The following DLGAP1 variants were observed in gnomAD, a reference collection of about 807,000 sequenced individuals.
DLGAP1 encodes the protein disks large-associated protein 1.
In DLGAP1, 11 loss-of-function variants were observed where a neutral mutation model predicts 90.8. The observed-to-expected ratio is 0.12, with a 90% CI of 0.08 to 0.20. The LOEUF (loss-of-function observed/expected upper bound fraction) is 0.20. Among genes scored for constraint, DLGAP1 ranks in the 10% least tolerant of loss-of-function variants. The probability of loss-of-function intolerance (pLI) is 1.00; values close to 1 mark genes in which losing one functional copy is unlikely to be tolerated. For synonymous variants in DLGAP1, 558 were observed against 540.7 expected, an observed-to-expected ratio of 1.03 and a Z score of -0.44; for missense variants, 1,050 against 1,333.8, an observed-to-expected ratio of 0.79 and a Z score of 3.31.
intron 2 of DLGAP1, among the ~76,000 whole-genome samples, chr18:4,045,314 C>T (rs16973799): frequency 0.016 from 2,379 of 151,632 alleles, 68 homozygotes; most frequent in African/African-American, 0.055. Context: ...ACTGATAACT[C>T]CTTGGTATCT....
chr18:3,660,399 A>C lies in DLGAP1; in HGVS notation c.1591+68736T>G, dbSNP rs1400255197. On this transcript the variant is annotated intron_variant, in intron 7 of 12. Transcript: ENST00000315677. This position sits in a 1 kb window ranked among gnomAD's most constrained non-coding sequence, Gnocchi z 4.2. ...GTCCTTGTTTACCTCTGTCCTCCTC[A>C]TTAGAATATAATCAGAAGGAGAGCA... Among the ~76,000 whole-genome samples the C allele has an allele frequency of 6.6e-6, 1 of 152,178 alleles. No individual in the cohort carries two copies. The highest frequency in any genetic ancestry group is 2.4e-5 in the African/African-American group (1 of 41,436).
chr18:3,669,750 A>C (rs941989012), intron 7 of DLGAP1, among the ~76,000 whole-genome samples: 2 of 152,180 alleles, frequency 1.3e-5, no homozygotes, highest in African/African-American at 4.8e-5. Flanking sequence ...TCATTATCCA[A>C]GCCCCCATGT....
intron 7 of DLGAP1, among the ~76,000 whole-genome samples, chr18:3,656,845 G>T (rs190980532): frequency 6.6e-6 from 1 of 151,936 alleles, no homozygotes; most frequent in Non-Finnish European, 1.5e-5. Context: ...CTCCTGGGTG[G>T]ACGCCATTCT....
At chr18:3,992,646 C>G (rs1188087510) in intron 3 of DLGAP1, among the ~76,000 whole-genome samples, 1 of 152,130 alleles carries the variant, frequency 6.6e-6, no homozygotes, top group Non-Finnish European at 1.5e-5. Flanking sequence ...CCACTGTACT[C>G]CAGCCTGGTG....
At chr18:3,953,174 G>T (rs11877513) in intron 3 of DLGAP1, among the ~76,000 whole-genome samples, 24,741 of 152,174 alleles carry the variant, frequency 0.16, 2,152 homozygotes, top group Middle Eastern at 0.22. Context: ...ATTTTCCAAA[G>T]GGAAAATATT....
chr18:3,884,399 C>T (rs998562757), intron 3 of DLGAP1, among the ~76,000 whole-genome samples: 9 of 152,114 alleles, frequency 5.9e-5, no homozygotes, highest in Admixed American at 1.3e-4. Context: ...AATAATGTTT[C>T]GAACTTTCCT....
intron 4 of DLGAP1, among the ~76,000 whole-genome samples, chr18:3,832,362 G>T (rs566343634): frequency 1.3e-5 from 2 of 152,274 alleles, no homozygotes; most frequent in South Asian, 4.2e-4. Context: ...CCTTTTTGGT[G>T]ATGAGTCAAG....
chr18:3,662,879 C>G (rs11081062), intron 7 of DLGAP1, among the ~76,000 whole-genome samples: 1 of 152,050 alleles, frequency 6.6e-6, no homozygotes, highest in South Asian at 2.1e-4. Flanking sequence ...GAGGCAAATA[C>G]CTTTTTCATA....
chr18:4,244,657 G>T (rs921549822), intron 1 of DLGAP1, among the ~76,000 whole-genome samples: 10 of 152,116 alleles, frequency 6.6e-5, no homozygotes, highest in African/African-American at 2.4e-4. Context: ...ATATTTAAGA[G>T]ACAATGGATC....
chr18:3,738,616 A>G (rs1346788272), intron 6 of DLGAP1, among the ~76,000 whole-genome samples: 1 of 152,120 alleles, frequency 6.6e-6, no homozygotes, highest in African/African-American at 2.4e-5. Context: ...CCTTATACAA[A>G]AATTAATTCA....
At chr18:3,551,722 C>CCCTCCCTCCCTCCCTTCCTA (rs2053473560) in intron 9 of DLGAP1, among the ~76,000 whole-genome samples, 3 of 12,534 alleles carry the variant, frequency 2.4e-4, no homozygotes, top group Admixed American at 1.4e-3. Flanking sequence ...CTCCCTCCCT[C>CCCTCCCTCCCTCCCTTCCTA]CCTTCCTTCC....
At chr18:3,635,182 G>C (rs531723645) in intron 7 of DLGAP1, among the ~76,000 whole-genome samples, 159 of 149,712 alleles carry the variant, frequency 1.1e-3, no homozygotes, top group Non-Finnish European at 1.8e-3. Flanking sequence ...CCAGGCTGGA[G>C]TGCAGTGGCG....
chr18:3,696,274 C>T lies in DLGAP1; in HGVS notation c.1591+32861G>A, dbSNP rs866619773. Among the ~76,000 whole-genome samples the T allele has an allele frequency of 4.1e-4, 63 of 152,172 alleles. 1 individual carries two copies. Among genetic ancestry groups the T allele is most frequent in the Middle Eastern group, 6.8e-3 (2 of 294 alleles). ...GAGAGAGGGCATCCTTGTCTTGTGCCGGTTTTCAAAGGGAATGCCTCCAGC... is the reference window on the plus strand; with the variant it reads ...GAGAGAGGGCATCCTTGTCTTGTGCTGGTTTTCAAAGGGAATGCCTCCAGC... On this transcript the variant is annotated intron_variant, in intron 7 of 12. Coordinates refer to ENST00000315677, the MANE Select transcript of DLGAP1 (RefSeq NM_004746.4).
intron 3 of DLGAP1, among the ~76,000 whole-genome samples, chr18:3,900,963 T>C (rs74661064): frequency 1.3e-5 from 2 of 152,208 alleles, no homozygotes; most frequent in East Asian, 3.9e-4. Context: ...AACTTCCAAA[T>C]CTGATCATGT....
At chr18:3,693,883 AT>A (rs71366702) in intron 7 of DLGAP1, among the ~76,000 whole-genome samples, 10 of 151,470 alleles carry the variant, frequency 6.6e-5, no homozygotes, top group African/African-American at 1.7e-4. Flanking sequence ...TGATGATGGC[AT>A]TTTTTTTTAT....
chr18:3,916,492 T>TC (rs1304417364), intron 3 of DLGAP1, among the ~76,000 whole-genome samples: 1 of 152,174 alleles, frequency 6.6e-6, no homozygotes, highest in East Asian at 1.9e-4. Context: ...GCTCTCATAG[T>TC]CATAACCTAT....
intron 7 of DLGAP1, among the ~76,000 whole-genome samples, chr18:3,672,313 C>G (rs1422542714): frequency 1.3e-5 from 2 of 151,804 alleles, no homozygotes; most frequent in Non-Finnish European, 2.9e-5. Context: ...AACGGTGGTT[C>G]ACGCCTGCAA....
intron 9 of DLGAP1, among the ~76,000 whole-genome samples, chr18:3,551,722 C>T (rs12965815): frequency 0.041 from 512 of 12,532 alleles, 61 homozygotes; most frequent in African/African-American, 0.18. Flanking sequence ...CTCCCTCCCT[C>T]CCTTCCTTCC....
intron 7 of DLGAP1, among the ~76,000 whole-genome samples, chr18:3,583,138 T>TGACC (rs879430678): frequency 0.052 from 7,118 of 138,056 alleles, 225 homozygotes; most frequent in African/African-American, 0.062. Flanking sequence ...TCTGCCTGAC[T>TGACC]GACCGACCTA....
Sources: allele counts gnomAD v4.1 joint callset (sites outside exome capture counted in the v4.1 genomes callset), GRCh38; gene constraint gnomAD v4.1.1; non-coding constraint Gnocchi (gnomAD v3.1); transcripts MANE v1.5; gene names NCBI Gene and HGNC (gene_info 2026-07-23, HGNC 2026-07-21).